The following PYGO1 variants were observed in gnomAD, a reference collection of about 807,000 sequenced individuals.
The protein encoded by PYGO1 is pygopus family PHD finger 1, also known as pygopus homolog 1.
PYGO1 carries 6 observed loss-of-function variants against 29.5 expected under a neutral mutation model. The observed-to-expected ratio is 0.20, with a 90% CI of 0.11 to 0.40. The LOEUF (loss-of-function observed/expected upper bound fraction) is 0.40. Ranked by LOEUF, PYGO1 falls within the 10% of genes least tolerant of loss-of-function variation. PYGO1 has a pLI of 1.00. For synonymous variants in PYGO1, 186 were observed against 180.5 expected (o/e 1.03, Z -0.24); for missense variants, 515 against 514.9 (o/e 1.00, Z 0.00).
At chr15:55,571,243 C>T (rs1177906173) in intron 1 of PYGO1, among the ~76,000 whole-genome samples, 2 of 152,152 alleles carry the variant, frequency 1.3e-5, no homozygotes, top group East Asian at 1.9e-4. Flanking sequence ...ATACTACATT[C>T]TGTTTATCCA....
intron 1 of PYGO1, among the ~76,000 whole-genome samples, chr15:55,557,299 G>A (rs1567053371): frequency 1.3e-5 from 2 of 152,090 alleles, no homozygotes; most frequent in Non-Finnish European, 2.9e-5. Context: ...CCAGGAAGAA[G>A]TTGAATCCCT....
intron 1 of PYGO1, among the ~76,000 whole-genome samples, chr15:55,563,612 A>G (rs971762156): frequency 1.3e-5 from 2 of 152,124 alleles, no homozygotes; most frequent in African/African-American, 4.8e-5. Context: ...GGCCTCCCAA[A>G]GTGTTGGGAT....
chr15:55,554,227 G>A (rs996773573), intron 1 of PYGO1, among the ~76,000 whole-genome samples: 2 of 152,014 alleles, frequency 1.3e-5, no homozygotes, highest in African/African-American at 4.8e-5. Flanking sequence ...CACTTTGGGA[G>A]GCCAAGGTGG....
rs754272106 is a variant in PYGO1 at position 55,548,893 on chromosome 15, A to C, written c.135+17T>G. 6.9e-6 allele frequency: 11 copies of C among 1,601,760 alleles called. No homozygotes were observed. In the Admixed American group the frequency reaches 1.9e-4, roughly 28 times the overall value. On this transcript the variant is annotated intron_variant, in intron 2 of 2. Transcript: ENST00000563719. ...ACTAGCAAAGAAAAACTTTTATTAA[A>C]GAAAATGTCAGTTTACCTGTGTATT...
At chr15:55,569,669 G>T (rs1340131872) in intron 1 of PYGO1, among the ~76,000 whole-genome samples, 1 of 152,126 alleles carries the variant, frequency 6.6e-6, no homozygotes. Flanking sequence ...CTGTTGGTAG[G>T]ATTTCAATTT....
chr15:55,566,598 G>A (rs1031789625), intron 1 of PYGO1, among the ~76,000 whole-genome samples: 1 of 152,098 alleles, frequency 6.6e-6, no homozygotes, highest in African/African-American at 2.4e-5. Flanking sequence ...ATCCAGTAAG[G>A]GGATAGCTGG....
At chr15:55,580,227 ATT>A (rs1170316196) in intron 1 of PYGO1, among the ~76,000 whole-genome samples, 1 of 152,210 alleles carries the variant, frequency 6.6e-6, no homozygotes, top group African/African-American at 2.4e-5. Context: ...AACAGCTTCT[ATT>A]TGTCTTTTCC....
intron 1 of PYGO1, among the ~76,000 whole-genome samples, chr15:55,571,646 G>A (rs916643131): frequency 1.3e-5 from 2 of 152,124 alleles, no homozygotes; most frequent in African/African-American, 2.4e-5. Flanking sequence ...GCTTTCCACC[G>A]TGATTGTGGG....
At chr15:55,573,967 C>G (rs1257253302) in intron 1 of PYGO1, among the ~76,000 whole-genome samples, 1 of 152,066 alleles carries the variant, frequency 6.6e-6, no homozygotes. Context: ...TCTGAAATGG[C>G]GGGCAACCAA....
At chr15:55,550,205 T>C (rs2058872607) in intron 1 of PYGO1, among the ~76,000 whole-genome samples, 3 of 152,218 alleles carry the variant, frequency 2.0e-5, no homozygotes, top group African/African-American at 7.2e-5. Flanking sequence ...TGTTTTTTCC[T>C]TGCAAAGTAT....
chr15:55,551,227 T>C (rs2141648791), intron 1 of PYGO1, among the ~76,000 whole-genome samples: 1 of 152,324 alleles, frequency 6.6e-6, no homozygotes, highest in East Asian at 1.9e-4. Context: ...AGATTTCTGT[T>C]TTTTTGCAAG....
At chr15:55,568,705 A>G (rs369715896) in intron 1 of PYGO1, among the ~76,000 whole-genome samples, 11 of 152,132 alleles carry the variant, frequency 7.2e-5, no homozygotes, top group African/African-American at 2.4e-4. Context: ...CTGCCTATAC[A>G]GTATGATGCT....
intron 1 of PYGO1, among the ~76,000 whole-genome samples, chr15:55,583,755 G>A (rs1473530698): frequency 2.0e-5 from 3 of 152,094 alleles, no homozygotes. Context: ...TGATGCTCTT[G>A]CCTGAGCCTC....
At chr15:55,563,499 G>A (rs2058942309) in intron 1 of PYGO1, among the ~76,000 whole-genome samples, 1 of 150,742 alleles carries the variant, frequency 6.6e-6, no homozygotes, top group South Asian at 2.1e-4. Context: ...CGTGAATAGT[G>A]CGCCACCATG....
At chr15:55,558,947 C>G (rs543782541) in intron 1 of PYGO1, among the ~76,000 whole-genome samples, 4 of 151,974 alleles carry the variant, frequency 2.6e-5, no homozygotes, top group East Asian at 3.9e-4. Context: ...GTCTAAAACA[C>G]CAAAAGCAAT....
At chr15:55,553,857 G>A (rs2058891262) in intron 1 of PYGO1, among the ~76,000 whole-genome samples, 1 of 152,040 alleles carries the variant, frequency 6.6e-6, no homozygotes, top group African/African-American at 2.4e-5. Flanking sequence ...AGCCTTCACT[G>A]GTAGTATCTC....
rs1024526221 is a variant in PYGO1 at position 55,539,872 on chromosome 15, A to G, written c.*6151T>C. ...ACATTTTGTAATATACATCACTGAC[A>G]TAGTAAAACCTTATTAAGGATAATT... On this transcript the variant is annotated 3_prime_UTR_variant, in exon 3 of 3. Transcript: ENST00000563719. The G allele has an allele frequency of 2.6e-5, 4 of 152,106 alleles. No individual in the cohort carries two copies. Among genetic ancestry groups the G allele is most frequent in the Admixed American group, 6.5e-5 (1 of 15,270 alleles). The allele number at this position is 152,106 out of a possible 1,614,324, so 9.4% of individuals were successfully genotyped here.
intron 1 of PYGO1, among the ~76,000 whole-genome samples, chr15:55,584,619 G>A (rs571589286): frequency 9.2e-5 from 14 of 152,254 alleles, no homozygotes; most frequent in Middle Eastern, 3.4e-3. Flanking sequence ...AGGGGAAATG[G>A]ACTATCAGAA....
At position 55,588,172 on chromosome 15, in the gene PYGO1, T is replaced by C. The variant is rs2059058072; in HGVS notation, c.-289A>G. 5 of 424,742 alleles carry C rather than the reference T, an allele frequency of 1.2e-5. No individual in the cohort carries two copies. The highest frequency in any genetic ancestry group is 1.6e-5 in the Non-Finnish European group (5 of 319,684). The allele number at this position is 424,742 out of a possible 1,614,324, so 26.3% of individuals were successfully genotyped here. ...CCCCCCACCCGGGGCCGGCATGTGC[T>C]GAGGGCGAGTGCGCCGCCGCCGCCG... On this transcript the variant is annotated 5_prime_UTR_variant, in exon 1 of 3. Coordinates refer to ENST00000563719, the MANE Select transcript of PYGO1 (RefSeq NM_001367806.1).
Sources: allele counts gnomAD v4.1 joint callset (sites outside exome capture counted in the v4.1 genomes callset), GRCh38; gene constraint gnomAD v4.1.1; transcripts MANE v1.5; gene names NCBI Gene and HGNC (gene_info 2026-07-23, HGNC 2026-07-21).